SMARCAD1: variants seen among roughly 807,000 people sequenced by gnomAD.
SMARCAD1 encodes SWI/SNF-related matrix-associated actin-dependent regulator of chromatin subfamily A containing DEAD/H box 1.
SMARCAD1 carries 25 observed loss-of-function variants against 127.1 expected under a neutral mutation model. That is an observed-to-expected ratio of 0.20 (90% CI 0.14 to 0.27). The LOEUF (loss-of-function observed/expected upper bound fraction) is 0.27. Among genes scored for constraint, SMARCAD1 ranks in the 10% least tolerant of loss-of-function variants. SMARCAD1 has a pLI of 1.00. For missense variants in SMARCAD1, 807 were observed against 1,206.0 expected (o/e 0.67, Z 4.90); for synonymous variants, 400 against 396.9 (o/e 1.01, Z -0.09).
At chr4:94,228,433 C>T (rs1745345180) in intron 3 of SMARCAD1, among the ~76,000 whole-genome samples, 1 of 152,078 alleles carries the variant, frequency 6.6e-6, no homozygotes, top group South Asian at 2.1e-4. Context: ...TGCATATTAA[C>T]AGTAATATTT....
At chr4:94,276,554 A>G in intron 15 of SMARCAD1, 80 bp downstream of exon 15, 1 of 1,511,474 alleles carries the variant, frequency 6.6e-7, no homozygotes, top group South Asian at 1.2e-5. Flanking sequence ...ATTTATTAGC[A>G]GAATCTGTAT....
intron 6 of SMARCAD1, 122 bp downstream of exon 6, chr4:94,241,128 G>A: frequency 2.9e-6 from 2 of 693,980 alleles, no homozygotes; most frequent in Admixed American, 4.7e-5. Context: ...CACAACTAAG[G>A]GAATTTACGT....
At chr4:94,227,855 A>G (rs1745258192) in intron 3 of SMARCAD1, among the ~76,000 whole-genome samples, 1 of 152,204 alleles carries the variant, frequency 6.6e-6, no homozygotes, top group South Asian at 2.1e-4. Flanking sequence ...TTAAAGCCAT[A>G]TGATCAGATG....
rs1249474920 is a variant in SMARCAD1, at chr4:94,234,268, A to G, written c.537+146A>G. The G allele has an allele frequency of 1.1e-5, 8 of 760,086 alleles. No individual in the cohort carries two copies. In the East Asian group the frequency reaches 1.1e-4, roughly 10 times the overall value. 47.1% of individuals were successfully genotyped at this position (760,086 alleles called of 1,614,324 possible). A position where few individuals can be genotyped will look rare whatever the true frequency, so the allele number is the denominator to read the frequency against. On this transcript the variant is annotated intron_variant, in intron 4 of 23. Coordinates refer to ENST00000354268, the MANE Select transcript of SMARCAD1 (RefSeq NM_020159.5). ...TAAATCTAAAGGAAGTAAATGCCAG[A>G]CATTTATTTATTGAAAGTCTTAACT...
At position 94,208,401 on chromosome 4, in the gene SMARCAD1, C is replaced by A. The variant is rs1220383889; in HGVS notation, c.7C>A (p.Leu3Ile). The A allele has an allele frequency of 6.2e-7, 1 of 1,613,906 alleles. No homozygotes were observed. Among genetic ancestry groups the A allele is most frequent in the Non-Finnish European group, 8.5e-7 (1 of 1,180,010 alleles). MNLFNLDRFRFEK... is the reference protein window; with the variant it reads MNIFNLDRFRFEK... ...GGTGGTGCTTTCTACCAATATGAAT[C>A]TTTTCAACCTGGACCGTTTTCGCTT... Residue 3 changes from leucine (L) to isoleucine (I), a missense_variant, in exon 2 of 24, where the codon CTT becomes ATT. This residue lies in a region of SMARCAD1 where 175 missense variants were observed against 169.5 expected (regional missense o/e 1.03). Coordinates refer to ENST00000354268, the MANE Select transcript of SMARCAD1 (RefSeq NM_020159.5).
chr4:94,287,309 G>T (rs898717999), intron 23 of SMARCAD1, among the ~76,000 whole-genome samples: 4 of 152,180 alleles, frequency 2.6e-5, no homozygotes, highest in African/African-American at 9.7e-5. Flanking sequence ...CTGGACTGAT[G>T]ATAATACATG....
intron 22 of SMARCAD1, among the ~76,000 whole-genome samples, chr4:94,283,773 C>T (rs1754449083): frequency 1.3e-5 from 2 of 151,814 alleles, no homozygotes; most frequent in South Asian, 2.1e-4. Context: ...TGCAGTGAGC[C>T]GAGATCACCA....
chr4:94,286,799 T>C (rs1048402323), intron 23 of SMARCAD1, among the ~76,000 whole-genome samples: 14 of 152,236 alleles, frequency 9.2e-5, no homozygotes, highest in African/African-American at 3.4e-4. Context: ...TCTGTTAAAA[T>C]AGCAGTGTAT....
chr4:94,251,171 T>C (rs1345979775), intron 8 of SMARCAD1, among the ~76,000 whole-genome samples: 1 of 152,154 alleles, frequency 6.6e-6, no homozygotes, highest in Non-Finnish European at 1.5e-5. Flanking sequence ...ATTGGTGATA[T>C]CATGTCATTA....
intron 20 of SMARCAD1, 89 bp downstream of exon 20, chr4:94,280,869 G>C (rs548088097): frequency 8.1e-7 from 1 of 1,234,598 alleles, no homozygotes; most frequent in South Asian, 1.2e-5. Context: ...GCTTGAATTA[G>C]CCTATGTCTG....
chr4:94,253,479 A>T, intron 9 of SMARCAD1: 1 of 1,139,308 alleles, frequency 8.8e-7, no homozygotes, highest in African/African-American at 1.6e-5. Context: ...ATGCTTCACC[A>T]CAAAAGAAGC....
At chr4:94,227,741 C>T (rs1194597049) in intron 3 of SMARCAD1, among the ~76,000 whole-genome samples, 1 of 152,160 alleles carries the variant, frequency 6.6e-6, no homozygotes, top group African/African-American at 2.4e-5. Context: ...TCCTAGACGT[C>T]TAAATGGAGA....
At chr4:94,263,496 A>C (rs1465132303) in intron 9 of SMARCAD1, among the ~76,000 whole-genome samples, 1 of 152,172 alleles carries the variant, frequency 6.6e-6, no homozygotes, top group South Asian at 2.1e-4. Flanking sequence ...TAACAGTGCC[A>C]TTTTTGAAGT....
chr4:94,285,629 A>T (rs1156688550), intron 23 of SMARCAD1, among the ~76,000 whole-genome samples: 1 of 152,110 alleles, frequency 6.6e-6, no homozygotes, highest in African/African-American at 2.4e-5. Flanking sequence ...TATATTAGGC[A>T]CTCTGTTCTG....
At position 94,226,315 on chromosome 4, in the gene SMARCAD1, ATATTG is replaced by A. The variant is rs1744977590; in HGVS notation, c.368+24_368+28del. The A allele has an allele frequency of 2.5e-6, 4 of 1,593,366 alleles. No individual in the cohort carries two copies. The highest frequency in any genetic ancestry group is 3.4e-6 in the Non-Finnish European group (4 of 1,162,752). On this transcript the variant is annotated intron_variant, in intron 3 of 23. Transcript: ENST00000354268. ...TTATAGTGTAAGCTGATTAATAGATATATTGTATTTGCATGTGTGTGAGATTTTCC... is the reference window on the plus strand; with the variant it reads ...TTATAGTGTAAGCTGATTAATAGATATATTTGCATGTGTGTGAGATTTTCC...
chr4:94,281,155 G>C (rs961727618), intron 20 of SMARCAD1, among the ~76,000 whole-genome samples: 6 of 152,176 alleles, frequency 3.9e-5, no homozygotes, highest in Non-Finnish European at 5.9e-5. Flanking sequence ...TCACAGTCCA[G>C]ATAATACATA....
At chr4:94,279,799 C>CTAAA (rs1053815659) in intron 19 of SMARCAD1, among the ~76,000 whole-genome samples, 3 of 152,036 alleles carry the variant, frequency 2.0e-5, no homozygotes, top group Non-Finnish European at 4.4e-5. Flanking sequence ...CCTCTTTCTC[C>CTAAA]TTTAACATTT....
At chr4:94,233,808 A>T (rs1746220239) in intron 3 of SMARCAD1, 146 bp from the exon 4 acceptor site, 5 of 835,992 alleles carry the variant, frequency 6.0e-6, no homozygotes, top group Non-Finnish European at 9.2e-6. Context: ...ATGGAAAAAA[A>T]AGGTCTCTTT....
chr4:94,285,893 A>C (rs758676759), intron 23 of SMARCAD1, among the ~76,000 whole-genome samples: 1 of 152,252 alleles, frequency 6.6e-6, no homozygotes, highest in African/African-American at 2.4e-5. Flanking sequence ...CAGGTTGTCC[A>C]GGAAATACAG....
Sources: gnomAD v4.1 joint callset for allele counts (sites outside exome capture counted in the v4.1 genomes callset) on GRCh38, gnomAD v4.1.1 for gene constraint, gnomAD v4.1.1 regional missense constraint, MANE v1.5 for transcripts, NCBI Gene and HGNC (gene_info 2026-07-23, HGNC 2026-07-21) for gene names.